The following LONP1 variants were observed in gnomAD, a reference collection of about 807,000 sequenced individuals.
The protein encoded by LONP1 is lon peptidase 1, mitochondrial, also known as lon protease homolog, mitochondrial.
In LONP1, 31 loss-of-function variants were observed where a neutral mutation model predicts 98.5. The observed-to-expected ratio is 0.31, with a 90% CI of 0.24 to 0.42. The LOEUF (loss-of-function observed/expected upper bound fraction) is 0.42, where lower values mean the gene tolerates loss of function less well. Ranked by LOEUF, LONP1 falls within the 20% of genes least tolerant of loss-of-function variation. LONP1 has a pLI of 1.00. For synonymous variants in LONP1, 781 were observed against 594.7 expected, an observed-to-expected ratio of 1.31 and a Z score of -4.56; for missense variants, 1,336 against 1,350.6, an observed-to-expected ratio of 0.99 and a Z score of 0.17.
intron 17 of LONP1, among the ~76,000 whole-genome samples, chr19:5,693,031 G>A (rs1215487051): frequency 6.6e-6 from 1 of 152,142 alleles, no homozygotes; most frequent in East Asian, 1.9e-4. Flanking sequence ...CCTTGGCGCT[G>A]GGCTGCCTGG....
At chr19:5,693,939 G>A (rs989522728) in intron 15 of LONP1, among the ~76,000 whole-genome samples, 170 bp from the exon 16 acceptor site, 19 of 152,148 alleles carry the variant, frequency 1.2e-4, no homozygotes, top group African/African-American at 3.6e-4. Context: ...CGTTTGCTGC[G>A]TTGCGGGTTC....
intron 8 of LONP1, 107 bp from the exon 9 acceptor site, chr19:5,701,034 C>T: frequency 7.6e-7 from 1 of 1,311,532 alleles, no homozygotes; most frequent in Non-Finnish European, 1.1e-6. Context: ...ATGTGTGGGG[C>T]TGAGCGCGGT....
At chr19:5,706,035 CTGGG>C (rs1324627863) in intron 7 of LONP1, 43 bp from the exon 8 acceptor site, 5 of 1,333,686 alleles carry the variant, frequency 3.7e-6, no homozygotes, top group South Asian at 1.2e-5. Context: ...CTCCGGGAAG[CTGGG>C]TGGGTGGGTG....
At chr19:5,708,506 A>T in intron 4 of LONP1, 103 bp from the exon 5 acceptor site, 1 of 887,566 alleles carries the variant, frequency 1.1e-6, no homozygotes, top group East Asian at 2.6e-5. Context: ...AGCTCCATCA[A>T]CTCCCTCCCC....
Position 5,696,349 on chromosome 19 carries a change from T to A in LONP1, c.1796A>T (p.Tyr599Phe). ...IDEVDKIGRG[Y>F]QGDPSSALLE... Reference sequence around the variant, plus strand: ...CAGTGCCGACGACGGGTCCCCCTGGTAGCCTCGGCCGATCTTGTCCACCTG... The same window carrying A: ...CAGTGCCGACGACGGGTCCCCCTGGAAGCCTCGGCCGATCTTGTCCACCTG... Residue 599 changes from tyrosine to phenylalanine, a missense_variant, in exon 12 of 18, where the codon TAC (tyrosine) becomes TTC (phenylalanine). By Grantham distance (22) the Tyr-to-Phe change is conservative. Transcript: ENST00000360614. 1 of 1,613,112 alleles carries A rather than the reference T, an allele frequency of 6.2e-7. No homozygotes were observed.
At chr19:5,692,774 T>G (rs901518304) in intron 17 of LONP1, among the ~76,000 whole-genome samples, 1 of 152,134 alleles carries the variant, frequency 6.6e-6, no homozygotes, top group African/African-American at 2.4e-5. Flanking sequence ...TGGTGTCCAA[T>G]TCAAGGTGGT....
At chr19:5,698,052 G>A (rs1157069355) in intron 10 of LONP1, among the ~76,000 whole-genome samples, 2 of 141,324 alleles carry the variant, frequency 1.4e-5, no homozygotes, top group Non-Finnish European at 1.5e-5. Flanking sequence ...TGCAGAACAG[G>A]TCCCCTGTCC....
chr19:5,696,462 C>G, intron 11 of LONP1, 91 bp from the exon 12 acceptor site: 1 of 1,523,650 alleles, frequency 6.6e-7, no homozygotes, highest in Non-Finnish European at 8.9e-7. Flanking sequence ...TGGGGAGACC[C>G]CGAGTGAGAG....
At chr19:5,696,607 C>T in intron 11 of LONP1, 63 bp downstream of exon 11, 1 of 1,485,318 alleles carries the variant, frequency 6.7e-7, no homozygotes, top group Non-Finnish European at 9.3e-7. Flanking sequence ...ACCCGGAAGG[C>T]TCGGCTTCAT....
chr19:5,718,092 G>A (rs1159050728), intron 1 of LONP1, among the ~76,000 whole-genome samples: 2 of 152,028 alleles, frequency 1.3e-5, no homozygotes, highest in East Asian at 1.9e-4. Flanking sequence ...GGAAGCCAAA[G>A]GAATAACTTG....
At position 5,720,004 on chromosome 19, in the gene LONP1, C is replaced by A; in HGVS notation, c.129G>T (p.Gln43His). The part of the protein sequence containing the change: ...TAAGAWLLRG[Q>H]RTCDASPPWA... The stretch of plus-strand genomic sequence containing the variant: ...AAGGAGGAGAGGCGTCGCAGGTCCG[C>A]TGGCCTCGGAGCAACCACGCTCCTG... The change falls in exon 1 of 18, where the codon CAG becomes CAT. Residue 43 changes from glutamine to histidine, a missense_variant. Coordinates refer to ENST00000360614, the MANE Select transcript of LONP1 (RefSeq NM_004793.4). The A allele has an allele frequency of 6.3e-7, 1 of 1,576,730 alleles. No homozygotes were observed. The highest frequency in any genetic ancestry group is 8.6e-7 in the Non-Finnish European group (1 of 1,163,840).
upstream of LONP1, chr19:5,720,192 C>T (rs1599490245): frequency 1.0e-5 from 14 of 1,383,438 alleles, no homozygotes; most frequent in Non-Finnish European, 1.1e-5. Context: ...GCGAAACGCA[C>T]GTGACGCCCG....
chr19:5,706,979 G>A (rs567117704), intron 7 of LONP1, 81 bp downstream of exon 7: 316 of 1,219,550 alleles, frequency 2.6e-4, no homozygotes, highest in Non-Finnish European at 3.3e-4. Flanking sequence ...CGGTCCCTCC[G>A]TGTGCTCCAG....
intron 14 of LONP1, 79 bp from the exon 15 acceptor site, chr19:5,694,631 G>C: frequency 1.3e-6 from 2 of 1,571,722 alleles, no homozygotes; most frequent in Non-Finnish European, 1.7e-6. Flanking sequence ...GGCACAGAAA[G>C]GTGTGACGGG....
intron 13 of LONP1, 63 bp from the exon 14 acceptor site, chr19:5,694,964 C>T (rs1168019842): frequency 6.5e-7 from 1 of 1,545,154 alleles, no homozygotes; most frequent in Non-Finnish European, 8.8e-7. Context: ...AGTCTAGAAC[C>T]TGGGAGCCAA....
chr19:5,693,139 C>G (rs1040586384), intron 17 of LONP1, among the ~76,000 whole-genome samples, 159 bp downstream of exon 17: 2 of 152,182 alleles, frequency 1.3e-5, no homozygotes, highest in African/African-American at 4.8e-5. Context: ...GCAGCTAGGG[C>G]GGTGAGCTTA....
intron 10 of LONP1, among the ~76,000 whole-genome samples, chr19:5,697,767 T>G (rs7258451): frequency 8.0e-6 from 1 of 124,502 alleles, no homozygotes; most frequent in African/African-American, 2.9e-5. Context: ...TGTCCTTGTC[T>G]CAGGAACCCA....
intron 1 of LONP1, among the ~76,000 whole-genome samples, chr19:5,717,912 G>A (rs1383247444): frequency 1.6e-5 from 2 of 123,230 alleles, no homozygotes; most frequent in African/African-American, 6.2e-5. Context: ...TTTTTTTGTA[G>A]AGACAGGGTC....
At chr19:5,695,803 C>T (rs2054915291) in intron 13 of LONP1, among the ~76,000 whole-genome samples, 1 of 152,222 alleles carries the variant, frequency 6.6e-6, no homozygotes, top group Admixed American at 6.5e-5. Context: ...CCCCGGGAGA[C>T]AGAGTGTGTG....
Sources: allele counts gnomAD v4.1 joint callset (sites outside exome capture counted in the v4.1 genomes callset), GRCh38; gene constraint gnomAD v4.1.1; transcripts MANE v1.5; gene names NCBI Gene and HGNC (gene_info 2026-07-23, HGNC 2026-07-21).